ZFPM1: variants seen among roughly 807,000 people sequenced by gnomAD.
The protein encoded by ZFPM1 is zinc finger protein ZFPM1.
In ZFPM1, 28 loss-of-function variants were observed where a neutral mutation model predicts 46.3. The observed-to-expected ratio is 0.60, with a 90% CI of 0.45 to 0.83. The LOEUF (loss-of-function observed/expected upper bound fraction) is 0.83. Ranked by LOEUF, ZFPM1 falls within the 40% of genes least tolerant of loss-of-function variation. The pLI, the probability that ZFPM1 is intolerant of heterozygous loss-of-function variation, is 0.00. For synonymous variants in ZFPM1, 957 were observed against 675.9 expected (o/e 1.42, Z -6.45); for missense variants, 1,878 against 1,432.4 (o/e 1.31, Z -5.02).
chr16:88,533,801 C>T lies in ZFPM1; in HGVS notation c.1843C>T (p.Pro615Ser), dbSNP rs1913014645. Reference protein sequence around the residue: ...APEDAPAARRPKAPPGPARAP... With the variant: ...APEDAPAARRSKAPPGPARAP... ...CGAGGACGCGCCTGCCGCGCGCAGG[C>T]CCAAGGCGCCCCCCGGCCCGGCCCG... is the stretch of plus-strand genomic sequence containing the variant. Residue 615 changes from proline to serine, a missense_variant, in exon 10 of 10, where the codon CCC (proline) becomes TCC (serine). Pro to Ser is a moderately conservative substitution (Grantham distance 74). Transcript: ENST00000319555. The T allele has an allele frequency of 3.5e-6, 4 of 1,144,712 alleles. No individual in the cohort carries two copies. The highest frequency in any genetic ancestry group is 4.4e-6 in the Non-Finnish European group (4 of 917,522). The allele number at this position is 1,144,712 out of a possible 1,614,324, so 70.9% of individuals were successfully genotyped here.
intron 4 of ZFPM1, 49 bp downstream of exon 4, chr16:88,514,569 A>G: frequency 7.1e-7 from 1 of 1,403,584 alleles, no homozygotes; most frequent in South Asian, 1.3e-5. Context: ...AATGCAGGGC[A>G]ACATGGACCC....
chr16:88,489,311 C>CA (rs1909422721), intron 3 of ZFPM1, 158 bp downstream of exon 3: 2 of 1,197,458 alleles, frequency 1.7e-6, no homozygotes, highest in African/African-American at 3.1e-5. Flanking sequence ...CCAACCCGTG[C>CA]AGCTGGTGGT....
chr16:88,460,471 A>G (rs77811826), intron 1 of ZFPM1, among the ~76,000 whole-genome samples: 2,489 of 152,322 alleles, frequency 0.016, 60 homozygotes, highest in African/African-American at 0.058. Flanking sequence ...GATGAGGATG[A>G]AAAGGTCCTA....
rs970655178 is a variant in ZFPM1 at position 88,535,957 on chromosome 16, A to T, written c.*978A>T. Reference sequence around the variant, plus strand: ...GAACAAAAACACTCTTCTATTCCCAACGTCACTTTATTTTTTTATTTTTGG... The same window carrying T: ...GAACAAAAACACTCTTCTATTCCCATCGTCACTTTATTTTTTTATTTTTGG... On this transcript the variant is annotated 3_prime_UTR_variant, in exon 10 of 10. Transcript: ENST00000319555. The T allele has an allele frequency of 2.0e-5, 3 of 151,916 alleles. No homozygotes were observed. The highest frequency in any genetic ancestry group is 1.9e-4 in the East Asian group (1 of 5,172). 9.4% of individuals were successfully genotyped at this position (151,916 alleles called of 1,614,324 possible). A position where few individuals can be genotyped will look rare whatever the true frequency, so the allele number is the denominator to read the frequency against.
At chr16:88,531,112 G>C in intron 6 of ZFPM1, 1 of 152,248 alleles carries the variant, frequency 6.6e-6, no homozygotes, top group Non-Finnish European at 1.5e-5. Context: ...CAGTCTCTAA[G>C]TGGAACGGGC....
At chr16:88,504,522 T>G (rs1910545749) in intron 3 of ZFPM1, among the ~76,000 whole-genome samples, 1 of 152,152 alleles carries the variant, frequency 6.6e-6, no homozygotes, top group African/African-American at 2.4e-5. Context: ...GACATGAGGC[T>G]GTGGCTTTCA....
At position 88,533,929 on chromosome 16, in the gene ZFPM1, C is replaced by T. The variant is rs908543369; in HGVS notation, c.1971C>T (p.Gly657=). The part of the protein sequence containing the change: ...GAGGAATPED[G]AGGRGSEGSQ... ...GGGGCGCGGCCACGCCCGAGGACGG[C>T]GCGGGCGGCCGGGGCAGCGAGGGCA... Residue 657 remains glycine, a synonymous_variant, in exon 10 of 10, where the codon GGC becomes GGT. Coordinates refer to ENST00000319555, the MANE Select transcript of ZFPM1 (RefSeq NM_153813.3). 7 of 1,246,534 alleles carry T rather than the reference C, an allele frequency of 5.6e-6. No homozygotes were observed. The highest frequency in any genetic ancestry group is 7.2e-6 in the Non-Finnish European group (7 of 975,530). The allele number at this position is 1,246,534 out of a possible 1,614,324, so 77.2% of individuals were successfully genotyped here.
chr16:88,493,328 T>C (rs1419804640), intron 3 of ZFPM1, among the ~76,000 whole-genome samples: 1 of 138,750 alleles, frequency 7.2e-6, no homozygotes, highest in South Asian at 2.4e-4. Context: ...TGTGGGAAAT[T>C]GTCCCGGGGT....
chr16:88,535,909 C>T lies in ZFPM1; in HGVS notation c.*930C>T, dbSNP rs1913228895. On this transcript the variant is annotated 3_prime_UTR_variant, in exon 10 of 10. Transcript: ENST00000319555. Reference sequence around the variant, plus strand: ...TTGCAGCTGGGTGGCTGTGGGCAGCCTCCAGCGTGCTTTCTCACTGGAGAA... The same window carrying T: ...TTGCAGCTGGGTGGCTGTGGGCAGCTTCCAGCGTGCTTTCTCACTGGAGAA... 1 of 152,188 alleles carries T rather than the reference C, an allele frequency of 6.6e-6. No individual in the cohort carries two copies. Among genetic ancestry groups the T allele is most frequent in the Non-Finnish European group, 1.5e-5 (1 of 68,024 alleles). 9.4% of individuals were successfully genotyped at this position (152,188 alleles called of 1,614,324 possible).
intron 3 of ZFPM1, among the ~76,000 whole-genome samples, chr16:88,512,524 G>A (rs1445968270): frequency 6.6e-6 from 1 of 152,150 alleles, no homozygotes; most frequent in South Asian, 2.1e-4. Context: ...CTCGGACAAG[G>A]GGTCCTCTTG....
At chr16:88,498,985 C>T (rs577720519) in intron 3 of ZFPM1, among the ~76,000 whole-genome samples, 74 of 152,330 alleles carry the variant, frequency 4.9e-4, no homozygotes, top group African/African-American at 1.7e-3. Flanking sequence ...CCCAGGCCTG[C>T]CTCTCCACGC....
At chr16:88,522,920 C>T (rs964452565) in intron 4 of ZFPM1, among the ~76,000 whole-genome samples, 1 of 152,148 alleles carries the variant, frequency 6.6e-6, no homozygotes, top group East Asian at 1.9e-4. Flanking sequence ...AGGCCCCCTC[C>T]CAAGGCCAGG....
chr16:88,453,047 G>A (rs913134204), upstream of ZFPM1, among the ~76,000 whole-genome samples: 2 of 151,802 alleles, frequency 1.3e-5, no homozygotes, highest in African/African-American at 4.8e-5. Context: ...CGCAGCGCTG[G>A]GGTCGGAGCC....
rs540203871 is a variant in ZFPM1 at position 88,494,241 on chromosome 16, G to A, written c.268+5088G>A. On this transcript the variant is annotated intron_variant, in intron 3 of 9. Coordinates refer to ENST00000319555, the MANE Select transcript of ZFPM1 (RefSeq NM_153813.3). ...TGCAACCTGGAACTCCCCTTTCCGC[G>A]GCCAAGAGGCGGCCGAGCAGGGGCC... is the stretch of plus-strand genomic sequence containing the variant. Among the ~76,000 whole-genome samples, 245 of 152,264 alleles carry A rather than the reference G, an allele frequency of 1.6e-3. 1 individual carries two copies. Among genetic ancestry groups the A allele is most frequent in the African/African-American group, 5.7e-3 (237 of 41,532 alleles).
At chr16:88,530,115 C>A (rs770894749) in intron 6 of ZFPM1, among the ~76,000 whole-genome samples, 4 of 152,122 alleles carry the variant, frequency 2.6e-5, no homozygotes, top group Admixed American at 6.5e-5. Flanking sequence ...GCCATTGCAC[C>A]CCTCCACCAG....
At chr16:88,511,563 C>T (rs1597263812) in intron 3 of ZFPM1, among the ~76,000 whole-genome samples, 1 of 152,190 alleles carries the variant, frequency 6.6e-6, no homozygotes, top group East Asian at 1.9e-4. Context: ...TCCATCCATT[C>T]TCAGCCTTGA....
intron 1 of ZFPM1, among the ~76,000 whole-genome samples, chr16:88,475,882 T>G (rs1422671877): frequency 6.6e-6 from 1 of 152,116 alleles, no homozygotes; most frequent in Non-Finnish European, 1.5e-5. Flanking sequence ...CTGCTCAGCC[T>G]GGACACCATT....
At chr16:88,492,708 C>G (rs955645358) in intron 3 of ZFPM1, among the ~76,000 whole-genome samples, 1 of 152,204 alleles carries the variant, frequency 6.6e-6, no homozygotes, top group African/African-American at 2.4e-5. Context: ...CGGAGAGGCC[C>G]GGCCTTGGTG....
At position 88,497,674 on chromosome 16, in the gene ZFPM1, C is replaced by T. The variant is rs545050993; in HGVS notation, c.268+8521C>T. Among the ~76,000 whole-genome samples the T allele has an allele frequency of 1.1e-4, 16 of 152,218 alleles. 1 individual carries two copies. In the South Asian group the frequency reaches 2.3e-3, roughly 22 times the overall value. On this transcript the variant is annotated intron_variant, in intron 3 of 9. Transcript: ENST00000319555. This position sits in a 1 kb window ranked among gnomAD's most constrained non-coding sequence, Gnocchi z 5.4. ...CCGTGAGCGATCCGGTCCAGCATCC[C>T]GGCGCTGGGAGCCGGCAGCTGCTGT...
Sources: allele counts gnomAD v4.1 joint callset (sites outside exome capture counted in the v4.1 genomes callset), GRCh38; gene constraint gnomAD v4.1.1; non-coding constraint Gnocchi (gnomAD v3.1); transcripts MANE v1.5; gene names NCBI Gene and HGNC (gene_info 2026-07-23, HGNC 2026-07-21).